Variants in IQSEC3 observed in about 807,000 individuals in gnomAD.
IQSEC3 encodes the protein IQ motif and SEC7 domain-containing protein 3.
IQSEC3 carries 50 observed loss-of-function variants against 105.4 expected under a neutral mutation model. That is an observed-to-expected ratio of 0.47 (90% CI 0.38 to 0.60). IQSEC3 has a LOEUF of 0.60. Ranked by LOEUF, IQSEC3 falls within the 20% of genes least tolerant of loss-of-function variation. IQSEC3 has a pLI of 0.00. For missense variants in IQSEC3, 1,415 were observed against 1,630.0 expected (o/e 0.87, Z 2.27); for synonymous variants, 708 against 746.0 (o/e 0.95, Z 0.83).
rs1227511894 is a variant in IQSEC3 at position 177,224 on chromosome 12, GGACAGGCAGAACCCCGTCCCC to G, written c.*2192_*2212del. The G allele has an allele frequency of 0.13, 14,457 of 115,416 alleles. 2,778 individuals are homozygous for G. Among genetic ancestry groups the G allele is most frequent in the East Asian group, 0.18 (651 of 3,578 alleles). The allele number at this position is 115,416 out of a possible 1,614,324, so 7.1% of individuals were successfully genotyped here. A position where few individuals can be genotyped will look rare whatever the true frequency, so the allele number is the denominator to read the frequency against. On this transcript the variant is annotated 3_prime_UTR_variant, in exon 14 of 14. Coordinates refer to ENST00000538872, the MANE Select transcript of IQSEC3 (RefSeq NM_001170738.2). The surrounding 1 kb of genome is among the most constrained non-coding windows in gnomAD (Gnocchi z 5.3). ...TCACACAGCTCTTCAAGCTTACCAAGGACAGGCAGAACCCCGTCCCCTGCTCACACAGCTCTTCAAGCTTAC... is the reference window on the plus strand; with the variant it reads ...TCACACAGCTCTTCAAGCTTACCAAGTGCTCACACAGCTCTTCAAGCTTAC...
At chr12:145,540 G>A (rs782191750) in intron 5 of IQSEC3, among the ~76,000 whole-genome samples, 13 of 152,224 alleles carry the variant, frequency 8.5e-5, no homozygotes, top group Non-Finnish European at 1.8e-4. Flanking sequence ...CTCAAACTCA[G>A]GTCTACTAGG....
chr12:134,351 T>C (rs955180095), intron 3 of IQSEC3, among the ~76,000 whole-genome samples: 27 of 152,354 alleles, frequency 1.8e-4, no homozygotes, highest in Admixed American at 7.2e-4. Context: ...TCTGGTTTTC[T>C]TTCCTGCTTG....
chr12:100,561 C>T (rs950013850), intron 2 of IQSEC3, among the ~76,000 whole-genome samples: 21 of 152,048 alleles, frequency 1.4e-4, no homozygotes, highest in African/African-American at 1.7e-4. Flanking sequence ...GAGGAGGACT[C>T]GGAGAGGCCA....
At position 143,603 on chromosome 12, in the gene IQSEC3, G is replaced by A. The variant is rs907511028; in HGVS notation, c.2153+2318G>A. 12 of 170,580 alleles carry A rather than the reference G, an allele frequency of 7.0e-5. No individual in the cohort carries two copies. The South Asian group carries it at 8.4e-4, about 12-fold the overall frequency. The allele number at this position is 170,580 out of a possible 1,614,324, so 10.6% of individuals were successfully genotyped here. A position where few individuals can be genotyped will look rare whatever the true frequency, so the allele number is the denominator to read the frequency against. ...CAGAGTTCATGCAGGGCAGTGCTGG[G>A]GTGCCAGAGTTCATGCAGGGCAGTG... On this transcript the variant is annotated intron_variant, in intron 5 of 13. Transcript: ENST00000538872.
At chr12:100,885 G>C (rs1864401745) in intron 2 of IQSEC3, among the ~76,000 whole-genome samples, 1 of 152,146 alleles carries the variant, frequency 6.6e-6, no homozygotes, top group Admixed American at 6.5e-5. Context: ...GGATGTTGTA[G>C]AGGAAGACCC....
rs568555123 is a variant in IQSEC3, at chr12:131,151, AG to A, written c.903+5244del. 1.3e-3 allele frequency among the ~76,000 whole-genome samples: 204 copies of A among 151,910 alleles called. 1 individual carries two copies. Among genetic ancestry groups the A allele is most frequent in the African/African-American group, 4.8e-3 (198 of 41,454 alleles). The stretch of plus-strand genomic sequence containing the variant: ...TCAGCTGCCACAGCAACCTGAAAGA[AG>A]GGGGCACGTTCTAATTAACACTGAG... On this transcript the variant is annotated intron_variant, in intron 3 of 13. Coordinates refer to ENST00000538872, the MANE Select transcript of IQSEC3 (RefSeq NM_001170738.2).
At chr12:150,207 C>T (rs559726652) in intron 5 of IQSEC3, among the ~76,000 whole-genome samples, 11 of 152,284 alleles carry the variant, frequency 7.2e-5, no homozygotes, top group Non-Finnish European at 1.5e-4. Context: ...CAGTGGTCTC[C>T]GAGCTGATGA....
intron 5 of IQSEC3, among the ~76,000 whole-genome samples, chr12:147,526 G>C (rs1555091379): frequency 6.6e-6 from 1 of 152,130 alleles, no homozygotes; most frequent in Non-Finnish European, 1.5e-5. Context: ...CCTTAACCCT[G>C]CACCATCCAG....
In IQSEC3 at chr12:175,036, T is replaced by C. The variant is rs1012984286; in HGVS notation, c.*3T>C. ...GTGGCTCAAGGAGCCTGGTGTAGACTCTGCCCCACCACCCTGCTGTCCTGG... is the reference window on the plus strand; with the variant it reads ...GTGGCTCAAGGAGCCTGGTGTAGACCCTGCCCCACCACCCTGCTGTCCTGG... On this transcript the variant is annotated 3_prime_UTR_variant, in exon 14 of 14. Coordinates refer to ENST00000538872, the MANE Select transcript of IQSEC3 (RefSeq NM_001170738.2). 1.8e-5 allele frequency: 27 copies of C among 1,514,396 alleles called. No individual in the cohort carries two copies. Among genetic ancestry groups the C allele is most frequent in the Non-Finnish European group, 2.3e-5 (26 of 1,136,870 alleles). 93.8% of individuals were successfully genotyped at this position (1,514,396 alleles called of 1,614,324 possible). A position where few individuals can be genotyped will look rare whatever the true frequency, so the allele number is the denominator to read the frequency against.
At chr12:154,785 T>G (rs1420865803) in intron 5 of IQSEC3, among the ~76,000 whole-genome samples, 1 of 152,140 alleles carries the variant, frequency 6.6e-6, no homozygotes. Flanking sequence ...TGTCTCTGTT[T>G]TTTGCTTGTT....
At chr12:124,556 G>A (rs781869032) in intron 2 of IQSEC3, among the ~76,000 whole-genome samples, 3 of 152,186 alleles carry the variant, frequency 2.0e-5, no homozygotes, top group African/African-American at 4.8e-5. Context: ...AGACTCAGAG[G>A]AAAAGCCAGT....
chr12:113,018 C>T (rs1177491675), intron 2 of IQSEC3, among the ~76,000 whole-genome samples: 1 of 152,086 alleles, frequency 6.6e-6, no homozygotes, highest in Non-Finnish European at 1.5e-5. Flanking sequence ...CTCTCATTGT[C>T]CCTCTTCTCC....
chr12:122,596 G>A (rs1184921120), intron 2 of IQSEC3, among the ~76,000 whole-genome samples: 1 of 152,224 alleles, frequency 6.6e-6, no homozygotes, highest in East Asian at 1.9e-4. Flanking sequence ...TGAAGCCATG[G>A]CAGAGTTCAT....
intron 5 of IQSEC3, among the ~76,000 whole-genome samples, chr12:145,879 G>C (rs148883560): frequency 6.6e-6 from 1 of 152,318 alleles, no homozygotes; most frequent in African/African-American, 2.4e-5. Flanking sequence ...ATTTTTTCTG[G>C]TGTGAATCCC....
At chr12:171,328 T>A in intron 13 of IQSEC3, 167 bp downstream of exon 13, 1 of 1,612,812 alleles carries the variant, frequency 6.2e-7, no homozygotes, top group Non-Finnish European at 8.5e-7. Context: ...CTAGCATGGG[T>A]AATGCCACTG....
At position 165,734 on chromosome 12, in the gene IQSEC3, T is replaced by G. The variant is rs1555098176; in HGVS notation, c.2815T>G (p.Ser939Ala). 9.9e-6 allele frequency: 16 copies of G among 1,613,676 alleles called. No individual in the cohort carries two copies. Among genetic ancestry groups the G allele is most frequent in the Non-Finnish European group, 1.3e-5 (15 of 1,179,948 alleles). The change falls in exon 11 of 14, where the codon TCT becomes GCT. Residue 939 changes from serine (S) to alanine (A), a missense_variant. Around this residue, in one of 6 missense-constraint regions of IQSEC3, gnomAD observed 419 missense variants for 436.2 expected, o/e 0.96. Coordinates refer to ENST00000538872, the MANE Select transcript of IQSEC3 (RefSeq NM_001170738.2). ...QFQLFENEYY[S>A]HGITLVTPLS... ...GCCTGGGGTCTGCTTTCCAGATTAC[T>G]CTCATGGCATCACACTGGTGACCCC...
At chr12:136,684 G>A (rs1207002490) in intron 3 of IQSEC3, among the ~76,000 whole-genome samples, 1 of 152,108 alleles carries the variant, frequency 6.6e-6, no homozygotes, top group Non-Finnish European at 1.5e-5. Context: ...CCGATTCTTC[G>A]TTCATTCGGG....
chr12:146,745 TAGAG>T (rs1348234175), intron 5 of IQSEC3, among the ~76,000 whole-genome samples: 2 of 150,690 alleles, frequency 1.3e-5, no homozygotes, highest in Non-Finnish European at 3.0e-5. Flanking sequence ...GAGAGATAGA[TAGAG>T]AGAGACAGAG....
rs1290912257 is a variant in IQSEC3, at chr12:175,299, C to T, written c.*266C>T. 1 of 444,344 alleles carries T rather than the reference C, an allele frequency of 2.3e-6. No individual in the cohort carries two copies. Among genetic ancestry groups the T allele is most frequent in the East Asian group, 3.4e-5 (1 of 29,006 alleles). The allele number at this position is 444,344 out of a possible 1,614,324, so 27.5% of individuals were successfully genotyped here. On this transcript the variant is annotated 3_prime_UTR_variant, in exon 14 of 14. Transcript: ENST00000538872. ...CAGACCCGGCGAGGCCTCCTCTTCC[C>T]CTGGCCACCACTTTCCCCCATTGGA...
Sources: allele counts gnomAD v4.1 joint callset (sites outside exome capture counted in the v4.1 genomes callset), GRCh38; gene constraint gnomAD v4.1.1; regional missense constraint gnomAD v4.1.1; non-coding constraint Gnocchi (gnomAD v3.1); transcripts MANE v1.5; gene names NCBI Gene and HGNC (gene_info 2026-07-23, HGNC 2026-07-21).